Variants in ATG16L1 observed in about 807,000 individuals in gnomAD.
ATG16L1 encodes the protein autophagy related 16 like 1.
In ATG16L1, 37 loss-of-function variants were observed where a neutral mutation model predicts 88.5. That is an observed-to-expected ratio of 0.42 (90% confidence interval 0.32 to 0.55). The LOEUF (loss-of-function observed/expected upper bound fraction) is 0.55. Among genes scored for constraint, ATG16L1 ranks in the 20% least tolerant of loss-of-function variants. ATG16L1 has a pLI of 0.13. For missense variants in ATG16L1, 554 were observed against 752.8 expected (o/e 0.74, Z 3.09); for synonymous variants, 301 against 281.0 (o/e 1.07, Z -0.71).
At chr2:233,274,214 T>C (rs1230650156) in intron 8 of ATG16L1, 1 of 637,490 alleles carries the variant, frequency 1.6e-6, no homozygotes, top group Non-Finnish European at 2.7e-6. Flanking sequence ...TTGAACACTT[T>C]GTACAGTACT....
intron 8 of ATG16L1, chr2:233,274,019 C>G (rs780004910): frequency 6.4e-7 from 1 of 1,550,882 alleles, no homozygotes; most frequent in South Asian, 1.2e-5. Flanking sequence ...TTTGGGACAT[C>G]ATTCTTCTTC....
intron 12 of ATG16L1, among the ~76,000 whole-genome samples, chr2:233,283,540 G>A (rs1307537635): frequency 1.3e-5 from 2 of 151,526 alleles, no homozygotes; most frequent in African/African-American, 4.8e-5. Flanking sequence ...AGGAAGTAAT[G>A]TTAAGATGAA....
intron 12 of ATG16L1, 42 bp downstream of exon 12, chr2:233,282,795 A>T (rs770547177): frequency 1.3e-6 from 2 of 1,579,590 alleles, no homozygotes; most frequent in South Asian, 2.2e-5. Context: ...TCCAAACTTC[A>T]TGTGGTGTTA....
At chr2:233,287,148 G>C (rs935345523) in intron 12 of ATG16L1, among the ~76,000 whole-genome samples, 2 of 152,158 alleles carry the variant, frequency 1.3e-5, no homozygotes, top group African/African-American at 4.8e-5. Flanking sequence ...ATCTTGCTGA[G>C]TCCGTACTAA....
intron 12 of ATG16L1, among the ~76,000 whole-genome samples, chr2:233,284,433 G>A (rs773779902): frequency 5.3e-5 from 8 of 152,160 alleles, no homozygotes; most frequent in East Asian, 1.9e-4. Context: ...CCAGGTTCAC[G>A]CCAGTCTCCT....
chr2:233,283,177 A>G (rs1698830687), intron 12 of ATG16L1, among the ~76,000 whole-genome samples: 1 of 152,278 alleles, frequency 6.6e-6, no homozygotes, highest in South Asian at 2.1e-4. Context: ...CAAGCTGAGA[A>G]AGAGGGGACA....
At chr2:233,277,428 A>T in intron 9 of ATG16L1, 140 bp from the exon 10 acceptor site, 1 of 665,810 alleles carries the variant, frequency 1.5e-6, no homozygotes, top group South Asian at 1.8e-5. Flanking sequence ...CTGGGCTAGG[A>T]GTCCAGTTTA....
chr2:233,288,941 T>G (rs769892355), intron 12 of ATG16L1: 2 of 514,572 alleles, frequency 3.9e-6, no homozygotes, highest in Non-Finnish European at 7.8e-6. Flanking sequence ...AGCTGAGACC[T>G]CTGATTGAAA....
intron 1 of ATG16L1, among the ~76,000 whole-genome samples, chr2:233,253,094 T>C (rs968095508): frequency 7.2e-5 from 11 of 152,194 alleles, no homozygotes; most frequent in African/African-American, 2.2e-4. Context: ...TGTTTGTGTT[T>C]GTGTGAGATT....
chr2:233,257,265 G>T (rs1409826116), intron 2 of ATG16L1, among the ~76,000 whole-genome samples: 1 of 151,636 alleles, frequency 6.6e-6, no homozygotes, highest in African/African-American at 2.4e-5. Context: ...TCCTGACCTC[G>T]TGATCCGCCC....
chr2:233,273,119 CATGACAAAGA>C, intron 7 of ATG16L1, 67 bp downstream of exon 7: 1 of 1,358,424 alleles, frequency 7.4e-7, no homozygotes, highest in Non-Finnish European at 1.1e-6. Context: ...CATCTGTGGA[CATGACAAAGA>C]ATGCAGTCAG....
intron 17 of ATG16L1, among the ~76,000 whole-genome samples, chr2:233,294,036 C>G (rs571152499): frequency 6.6e-6 from 1 of 152,242 alleles, no homozygotes; most frequent in Non-Finnish European, 1.5e-5. Flanking sequence ...GCCAAACTCC[C>G]TTCATCCCAG....
chr2:233,271,680 T>C (rs1275102239), intron 6 of ATG16L1, among the ~76,000 whole-genome samples: 1 of 152,252 alleles, frequency 6.6e-6, no homozygotes, highest in Non-Finnish European at 1.5e-5. Context: ...AGTGTTTTCT[T>C]GTGGTCCCGG....
intron 12 of ATG16L1, among the ~76,000 whole-genome samples, chr2:233,283,605 C>CGTAT (rs1698869432): frequency 2.0e-5 from 3 of 150,548 alleles, no homozygotes; most frequent in African/African-American, 7.3e-5. Flanking sequence ...GTGTGGGGTA[C>CGTAT]AGTAGTGTGA....
chr2:233,274,622 G>C, intron 8 of ATG16L1, 54 bp from the exon 9 acceptor site: 1 of 1,376,968 alleles, frequency 7.3e-7, no homozygotes, highest in South Asian at 1.3e-5. Context: ...ACAATTTGAT[G>C]AGCAGTAAAC....
At chr2:233,259,311 G>A (rs1252336597) in intron 2 of ATG16L1, among the ~76,000 whole-genome samples, 2 of 152,112 alleles carry the variant, frequency 1.3e-5, no homozygotes, top group African/African-American at 2.4e-5. Context: ...AAATGGTGGC[G>A]TCAGCACCAT....
intron 5 of ATG16L1, among the ~76,000 whole-genome samples, chr2:233,268,817 C>A (rs1379116566): frequency 6.6e-5 from 10 of 152,320 alleles, no homozygotes; most frequent in African/African-American, 2.2e-4. Context: ...TACCCACATC[C>A]CTTCCCAAGA....
In ATG16L1 at chr2:233,294,766, C is replaced by T. The variant is rs1699698602; in HGVS notation, c.*416C>T. On this transcript the variant is annotated 3_prime_UTR_variant, in exon 18 of 18. Transcript: ENST00000392017. ...AAGTCGGTTCTGGCCTAACGCATGTCCCAACACCTTGGGTTCATTTGCCCG... is the reference window on the plus strand; with the variant it reads ...AAGTCGGTTCTGGCCTAACGCATGTTCCAACACCTTGGGTTCATTTGCCCG... The T allele has an allele frequency of 6.4e-6, 1 of 156,418 alleles. No individual in the cohort carries two copies. The highest frequency in any genetic ancestry group is 1.4e-5 in the Non-Finnish European group (1 of 70,542). The allele number at this position is 156,418 out of a possible 1,614,324, so 9.7% of individuals were successfully genotyped here.
chr2:233,261,726 A>T (rs1331168191), intron 2 of ATG16L1, among the ~76,000 whole-genome samples: 1 of 152,146 alleles, frequency 6.6e-6, no homozygotes, highest in African/African-American at 2.4e-5. Flanking sequence ...CTTTCCCTAG[A>T]CAGTGGTTTC....
Sources: allele counts gnomAD v4.1 joint callset (sites outside exome capture counted in the v4.1 genomes callset), GRCh38; gene constraint gnomAD v4.1.1; transcripts MANE v1.5; gene names NCBI Gene and HGNC (gene_info 2026-07-23, HGNC 2026-07-21).